Variants in TRPM7 observed in about 807,000 individuals in gnomAD.
The protein encoded by TRPM7 is transient receptor potential cation channel subfamily M member 7, also known as LTRPC ion channel family member 7.
A neutral mutation model predicts 229.7 loss-of-function variants in TRPM7; 134 were observed. That is an observed-to-expected ratio of 0.58 (90% confidence interval 0.51 to 0.67). The LOEUF is 0.67. TRPM7 is among the 30% of genes least tolerant of loss of function. The probability of loss-of-function intolerance (pLI) is 0.00; values close to 1 mark genes in which losing one functional copy is unlikely to be tolerated. For synonymous variants in TRPM7, 699 were observed against 715.2 expected (o/e 0.98, Z 0.36); for missense variants, 1,901 against 2,210.0 (o/e 0.86, Z 2.80).
At chr15:50,584,162 C>T (rs1278513481) in intron 28 of TRPM7, among the ~76,000 whole-genome samples, 2 of 151,818 alleles carry the variant, frequency 1.3e-5, no homozygotes, top group Admixed American at 1.3e-4. Flanking sequence ...TTAGAGAAAG[C>T]TTACAATTTT....
intron 14 of TRPM7, 77 bp from the exon 15 acceptor site, chr15:50,613,918 T>C: frequency 6.5e-7 from 1 of 1,526,958 alleles, no homozygotes; most frequent in Non-Finnish European, 8.9e-7. Context: ...TCAATTTATA[T>C]ATGTGTGCAA....
intron 21 of TRPM7, among the ~76,000 whole-genome samples, chr15:50,600,248 C>T (rs1010708139): frequency 2.0e-5 from 3 of 152,118 alleles, no homozygotes; most frequent in African/African-American, 7.2e-5. Flanking sequence ...ACTAGCCTGG[C>T]CAACATGGTG....
intron 4 of TRPM7, among the ~76,000 whole-genome samples, chr15:50,644,498 C>A (rs1342351887): frequency 6.6e-6 from 1 of 152,140 alleles, no homozygotes; most frequent in African/African-American, 2.4e-5. Flanking sequence ...AATCTCAGTA[C>A]TGACAAACAA....
At chr15:50,631,946 A>G (rs965436632) in intron 9 of TRPM7, among the ~76,000 whole-genome samples, 1 of 152,166 alleles carries the variant, frequency 6.6e-6, no homozygotes, top group Non-Finnish European at 1.5e-5. Flanking sequence ...TTTATTGCAA[A>G]TATCTTTAAA....
In TRPM7 at chr15:50,639,483, T is replaced by C. The variant is rs768225555; in HGVS notation, c.601A>G (p.Thr201Ala). 25 of 1,612,352 alleles carry C rather than the reference T, an allele frequency of 1.6e-5. No individual in the cohort carries two copies. The highest frequency in any genetic ancestry group is 2.7e-5 in the African/African-American group (2 of 74,932). Reference sequence around the variant, plus strand: ...ACTCCCCATGGAGCTATTCCGATAGTGCAAATCTTTCGAGATGATCTGGAA... The same window carrying C: ...ACTCCCCATGGAGCTATTCCGATAGCGCAAATCTTTCGAGATGATCTGGAA... Reference protein sequence around the residue: ...HASRSSRKICTIGIAPWGVIE... With the variant: ...HASRSSRKICAIGIAPWGVIE... Residue 201 changes from threonine to alanine, a missense_variant, in exon 6 of 39, where the codon ACT becomes GCT. Physicochemically the swap from Thr to Ala is moderately conservative, Grantham distance 58. This residue lies in a region of TRPM7 where 794 missense variants were observed against 881.9 expected (regional missense o/e 0.90). Transcript: ENST00000646667.
intron 12 of TRPM7, among the ~76,000 whole-genome samples, chr15:50,621,469 TGACC>T (rs1462696699): frequency 6.6e-5 from 10 of 152,210 alleles, no homozygotes; most frequent in Non-Finnish European, 1.5e-5. Flanking sequence ...TCTCAAAGTG[TGACC>T]TGGGGACACC....
chr15:50,637,698 T>C, intron 6 of TRPM7, 105 bp from the exon 7 acceptor site: 2 of 985,406 alleles, frequency 2.0e-6, no homozygotes, highest in Non-Finnish European at 2.9e-6. Flanking sequence ...TAAAATTCTA[T>C]TTTACATACA....
Position 50,671,422 on chromosome 15 carries a change from T to C in TRPM7, c.4-8376A>G, listed in dbSNP as rs529831054. 3.3e-5 allele frequency among the ~76,000 whole-genome samples: 5 copies of C among 152,320 alleles called. No individual in the cohort carries two copies. The South Asian group carries it at 6.2e-4, about 19-fold the overall frequency. On this transcript the variant is annotated intron_variant, in intron 1 of 38. Transcript: ENST00000646667. The stretch of plus-strand genomic sequence containing the variant: ...AGATTGAATGATATTCCTTTGTGCA[T>C]ACTGTCATGTGCCACATAACAACAC...
intron 1 of TRPM7, among the ~76,000 whole-genome samples, chr15:50,685,563 G>A (rs1363225766): frequency 1.3e-5 from 2 of 152,192 alleles, no homozygotes; most frequent in East Asian, 3.8e-4. Context: ...TTTTAGTTTT[G>A]TATGGCACTT....
intron 13 of TRPM7, among the ~76,000 whole-genome samples, chr15:50,615,163 C>CAAAAAAAAA: frequency 1.1e-5 from 1 of 94,546 alleles, no homozygotes; most frequent in Non-Finnish European, 2.1e-5. Flanking sequence ...GACTTTGTCT[C>CAAAAAAAAA]AAAAAAAAAA....
At chr15:50,607,955 T>A (rs1596175935) in intron 19 of TRPM7, among the ~76,000 whole-genome samples, 1 of 146,022 alleles carries the variant, frequency 6.8e-6, no homozygotes, top group Non-Finnish European at 1.5e-5. Context: ...CTCGGGAGGC[T>A]GAGGCACAAG....
chr15:50,641,729 G>C (rs1230001085), intron 5 of TRPM7, among the ~76,000 whole-genome samples: 1 of 152,194 alleles, frequency 6.6e-6, no homozygotes, highest in African/African-American at 2.4e-5. Context: ...GCCAGGTGCA[G>C]TGGCTCACAC....
At chr15:50,563,518 G>A (rs945431991) in intron 38 of TRPM7, among the ~76,000 whole-genome samples, 4 of 152,150 alleles carry the variant, frequency 2.6e-5, no homozygotes, top group Non-Finnish European at 4.4e-5. Context: ...TGAATTCTAG[G>A]GAGATTTCAA....
chr15:50,652,256 C>G (rs1033179733), intron 3 of TRPM7, among the ~76,000 whole-genome samples: 1 of 137,438 alleles, frequency 7.3e-6, no homozygotes, highest in Non-Finnish European at 1.5e-5. Context: ...TTGCTTGAAC[C>G]TGGGAGGCGG....
Position 50,634,441 on chromosome 15 carries a change from T to G in TRPM7, c.948A>C (p.Glu316Asp). 6.3e-7 allele frequency: 1 copy of G among 1,589,260 alleles called. No homozygotes were observed. Reference sequence around the variant, plus strand: ...GCAGATCTGCAGCTCTGCCTGTTCCTTCACACACAACTACTGGAACAGGGG... The same window carrying G: ...GCAGATCTGCAGCTCTGCCTGTTCCGTCACACACAACTACTGGAACAGGGG... Reference protein sequence around the residue: ...ESPPVPVVVCEGTGRAADLLA... With the variant: ...ESPPVPVVVCDGTGRAADLLA... The change falls in exon 8 of 39, where the codon GAA becomes GAC. Residue 316 changes from glutamate (E) to aspartate (D), a missense_variant. By Grantham distance (45) the Glu-to-Asp change is conservative. Coordinates refer to ENST00000646667, the MANE Select transcript of TRPM7 (RefSeq NM_017672.6).
chr15:50,581,162 T>C lies in TRPM7; in HGVS notation c.4558-254A>G, dbSNP rs2054388766. ...CCCACAACATTGTCTTTCTATTCTT[T>C]ATGAATTTTTATATTGTTTGAAGAC... On this transcript the variant is annotated intron_variant, in intron 29 of 38. Transcript: ENST00000646667. Among the ~76,000 whole-genome samples, 3 of 152,338 alleles carry C rather than the reference T, an allele frequency of 2.0e-5. No homozygotes were observed. In the South Asian group the frequency reaches 6.2e-4, roughly 32 times the overall value.
chr15:50,657,731 A>G lies in TRPM7; in HGVS notation c.122+50T>C, dbSNP rs1213375930. ...TTCTAACTCATATTTCTAATAGATT[A>G]GTTTTATTTATTTTCCGAAATTTGT... On this transcript the variant is annotated intron_variant, in intron 3 of 38. Coordinates refer to ENST00000646667, the MANE Select transcript of TRPM7 (RefSeq NM_017672.6). 2.0e-6 allele frequency: 3 copies of G among 1,501,530 alleles called. No homozygotes were observed. The South Asian group carries it at 3.5e-5, about 18-fold the overall frequency. 93.0% of individuals were successfully genotyped at this position (1,501,530 alleles called of 1,614,324 possible). A position where few individuals can be genotyped will look rare whatever the true frequency, so the allele number is the denominator to read the frequency against.
chr15:50,668,982 T>C (rs2140947040), intron 1 of TRPM7, among the ~76,000 whole-genome samples: 1 of 152,322 alleles, frequency 6.6e-6, no homozygotes, highest in Admixed American at 6.5e-5. Flanking sequence ...TGGCCTCATA[T>C]CTTGTCTACG....
intron 1 of TRPM7, among the ~76,000 whole-genome samples, chr15:50,664,777 C>G (rs747856958): frequency 6.6e-6 from 1 of 152,014 alleles, no homozygotes; most frequent in African/African-American, 2.4e-5. Context: ...CTGGGTAACA[C>G]AGTGAGACTC....
Sources: allele counts gnomAD v4.1 joint callset (sites outside exome capture counted in the v4.1 genomes callset), GRCh38; gene constraint gnomAD v4.1.1; regional missense constraint gnomAD v4.1.1; transcripts MANE v1.5; gene names NCBI Gene and HGNC (gene_info 2026-07-23, HGNC 2026-07-21).